Variants in MYO3A observed in about 807,000 individuals in gnomAD.
The protein encoded by MYO3A is myosin IIIA.
In MYO3A, 180 loss-of-function variants were observed where a neutral mutation model predicts 192.7. That is an observed-to-expected ratio of 0.93 (90% CI 0.83 to 1.06). The LOEUF is 1.06. Ranked by LOEUF, MYO3A falls within the 50% of genes least tolerant of loss-of-function variation. The pLI, the probability that MYO3A is intolerant of heterozygous loss-of-function variation, is 0.00. For synonymous variants in MYO3A, 628 were observed against 645.3 expected, an observed-to-expected ratio of 0.97 and a Z score of 0.41; for missense variants, 1,896 against 1,905.0, an observed-to-expected ratio of 1.00 and a Z score of 0.09.
chr10:26,203,377 C>A (rs1027444885), intron 34 of MYO3A, among the ~76,000 whole-genome samples: 2 of 152,110 alleles, frequency 1.3e-5, no homozygotes, highest in Non-Finnish European at 2.9e-5. Context: ...AAAAGTACTT[C>A]AGTTTGGATG....
chr10:25,966,547 C>G (rs1838278557), intron 4 of MYO3A, among the ~76,000 whole-genome samples: 1 of 152,044 alleles, frequency 6.6e-6, no homozygotes, highest in Admixed American at 6.5e-5. Context: ...TGTGAGGAGG[C>G]AGCATTTTAA....
At chr10:25,981,606 T>C (rs190018281) in intron 4 of MYO3A, among the ~76,000 whole-genome samples, 1 of 151,868 alleles carries the variant, frequency 6.6e-6, no homozygotes, top group East Asian at 1.9e-4. Context: ...AAATAAGCAG[T>C]GAAAAAATGA....
At chr10:26,083,010 T>C (rs910713595) in intron 14 of MYO3A, among the ~76,000 whole-genome samples, 1 of 152,256 alleles carries the variant, frequency 6.6e-6, no homozygotes, top group African/African-American at 2.4e-5. Context: ...TTTTTCCTTC[T>C]TCACAATTTC....
Position 26,001,200 on chromosome 10 carries a change from A to G in MYO3A, c.508+3942A>G, listed in dbSNP as rs372076881. On this transcript the variant is annotated intron_variant, in intron 6 of 34. Coordinates refer to ENST00000642920, the MANE Select transcript of MYO3A (RefSeq NM_017433.5). The stretch of plus-strand genomic sequence containing the variant: ...CGCCATTCCTGAGGAAGCCACTCAG[A>G]ATCTGCGGCATTCCTGTCTGCGGTG... Among the ~76,000 whole-genome samples the G allele has an allele frequency of 4.9e-4, 75 of 152,288 alleles. No individual in the cohort carries two copies. The South Asian group carries it at 0.014, about 29-fold the overall frequency.
rs1474634373 is a variant in MYO3A at position 26,154,796 on chromosome 10, A to G, written c.2766A>G (p.Lys922=). ...ATGCCAGAGAGACAACCAACATGAAAACACAAACGGTTGCATCATATTTTA... is the reference window on the plus strand; with the variant it reads ...ATGCCAGAGAGACAACCAACATGAAGACACAAACGGTTGCATCATATTTTA... ...TRHARETTNM[K]TQTVASYFRY... Residue 922 remains lysine (K), a synonymous_variant, in exon 25 of 35, where the codon AAA becomes AAG. Transcript: ENST00000642920. 7.4e-6 allele frequency: 12 copies of G among 1,613,624 alleles called. No homozygotes were observed. Among genetic ancestry groups the G allele is most frequent in the Non-Finnish European group, 1.0e-5 (12 of 1,179,790 alleles).
intron 21 of MYO3A, among the ~76,000 whole-genome samples, chr10:26,144,027 T>C (rs1190739810): frequency 3.9e-5 from 6 of 152,186 alleles, no homozygotes; most frequent in Non-Finnish European, 7.4e-5. Context: ...TCACTTCAAA[T>C]ACCTTAATAA....
intron 31 of MYO3A, among the ~76,000 whole-genome samples, chr10:26,190,164 A>G (rs1843058606): frequency 6.6e-6 from 1 of 152,222 alleles, no homozygotes; most frequent in Non-Finnish European, 1.5e-5. Flanking sequence ...ACAGTTATTA[A>G]ATGAGTCGTT....
chr10:26,069,596 T>C (rs1835068008), intron 12 of MYO3A, among the ~76,000 whole-genome samples: 1 of 152,056 alleles, frequency 6.6e-6, no homozygotes, highest in Non-Finnish European at 1.5e-5. Context: ...TAACAGTAAA[T>C]TTATGAGCCT....
At chr10:26,035,670 C>T (rs1842992419) in intron 10 of MYO3A, among the ~76,000 whole-genome samples, 1 of 152,166 alleles carries the variant, frequency 6.6e-6, no homozygotes, top group Non-Finnish European at 1.5e-5. Context: ...ATCCTGCCTT[C>T]TGAGACAATA....
At chr10:26,048,447 G>A (rs1843764169) in intron 10 of MYO3A, among the ~76,000 whole-genome samples, 2 of 151,690 alleles carry the variant, frequency 1.3e-5, no homozygotes, top group African/African-American at 2.4e-5. Context: ...ATACCTAACC[G>A]TGACAATGCC....
chr10:26,028,919 G>T, intron 10 of MYO3A, among the ~76,000 whole-genome samples: 1 of 152,174 alleles, frequency 6.6e-6, no homozygotes, highest in East Asian at 1.9e-4. Flanking sequence ...GGGGCTGCTT[G>T]CATGCTTGCC....
At chr10:26,015,961 C>A (rs559547199) in intron 6 of MYO3A, among the ~76,000 whole-genome samples, 113 of 152,184 alleles carry the variant, frequency 7.4e-4, no homozygotes, top group African/African-American at 2.6e-3. Context: ...TGGGGAGGCA[C>A]TTTTCAAAGC....
At chr10:26,118,701 G>A (rs569737327) in intron 17 of MYO3A, among the ~76,000 whole-genome samples, 110 of 151,340 alleles carry the variant, frequency 7.3e-4, no homozygotes, top group African/African-American at 4.9e-4. Context: ...GCACGATCTC[G>A]GCTCACTGAA....
At position 26,174,505 on chromosome 10, in the gene MYO3A, C is replaced by G. The variant is rs140248687; in HGVS notation, c.4241C>G (p.Ser1414Trp). The G allele has an allele frequency of 6.2e-7, 1 of 1,613,696 alleles. No individual in the cohort carries two copies. The highest frequency in any genetic ancestry group is 1.3e-5 in the African/African-American group (1 of 74,838). The change falls in exon 30 of 35, where the codon TCG (serine) becomes TGG (tryptophan). Residue 1414 changes from serine to tryptophan, a missense_variant. By Grantham distance (177) the Ser-to-Trp change is radical. Coordinates refer to ENST00000642920, the MANE Select transcript of MYO3A (RefSeq NM_017433.5). ...ATCAAGAAGAAGGATAACAAAGACT[C>G]GAAAGCAACTTCAGAAAGAGAAGCA... ...NNIKKKDNKD[S>W]KATSEREACG...
Position 26,174,027 on chromosome 10 carries a change from G to A in MYO3A, c.3763G>A (p.Ala1255Thr), listed in dbSNP as rs1842186309. The change falls in exon 30 of 35, where the codon GCA becomes ACA. Residue 1255 changes from alanine to threonine, a missense_variant. Physicochemically the swap from Ala to Thr is moderately conservative, Grantham distance 58. Coordinates refer to ENST00000642920, the MANE Select transcript of MYO3A (RefSeq NM_017433.5). The stretch of plus-strand genomic sequence containing the variant: ...GGAGAGGAATTGTGAAGAGTCAAAA[G>A]CAGCATATCTAGAAAGGAAGGCCAT... The part of the protein sequence containing the change: ...TEERNCEESK[A>T]AYLERKAISE... 1.9e-6 allele frequency: 3 copies of A among 1,612,784 alleles called. No individual in the cohort carries two copies. Among genetic ancestry groups the A allele is most frequent in the Non-Finnish European group, 2.5e-6 (3 of 1,179,778 alleles).
At chr10:25,937,546 G>A (rs1355774621) in intron 2 of MYO3A, among the ~76,000 whole-genome samples, 20 of 152,160 alleles carry the variant, frequency 1.3e-4, no homozygotes, top group Admixed American at 1.3e-3. Context: ...TTTTACAGCT[G>A]TGGACATTGA....
intron 10 of MYO3A, among the ~76,000 whole-genome samples, chr10:26,041,478 G>A (rs1843344420): frequency 6.6e-6 from 1 of 151,764 alleles, no homozygotes; most frequent in African/African-American, 2.4e-5. Flanking sequence ...TTGTTTTCTA[G>A]TTGTTTTGTG....
At chr10:26,093,484 T>G (rs749268348) in intron 15 of MYO3A, among the ~76,000 whole-genome samples, 2 of 152,216 alleles carry the variant, frequency 1.3e-5, no homozygotes, top group African/African-American at 2.4e-5. Context: ...CAGAATAGGA[T>G]GGGTTCTGAA....
intron 23 of MYO3A, among the ~76,000 whole-genome samples, chr10:26,152,078 G>T (rs1462628317): frequency 6.6e-6 from 1 of 152,104 alleles, no homozygotes; most frequent in Non-Finnish European, 1.5e-5. Context: ...TATAAAATAT[G>T]CAGCCAGGCT....
Sources: allele counts gnomAD v4.1 joint callset (sites outside exome capture counted in the v4.1 genomes callset), GRCh38; gene constraint gnomAD v4.1.1; transcripts MANE v1.5; gene names NCBI Gene and HGNC (gene_info 2026-07-23, HGNC 2026-07-21).